The following ADAM10 variants were observed in gnomAD, a reference collection of about 807,000 sequenced individuals.
ADAM10 encodes the protein disintegrin and metalloproteinase domain-containing protein 10.
In ADAM10, 17 loss-of-function variants were observed where a neutral mutation model predicts 90.1. The ratio of observed to expected loss-of-function variants is 0.19; its 90% CI spans 0.13 to 0.28. The LOEUF (loss-of-function observed/expected upper bound fraction) is 0.28, where lower values mean the gene tolerates loss of function less well. ADAM10 is among the 10% of genes least tolerant of loss of function. The pLI is 1.00. For synonymous variants in ADAM10, 310 were observed against 298.6 expected (o/e 1.04, Z -0.40); for missense variants, 610 against 914.3 (o/e 0.67, Z 4.29).
At chr15:58,598,190 T>A (rs1006121778) in intron 15 of ADAM10, among the ~76,000 whole-genome samples, 2 of 152,220 alleles carry the variant, frequency 1.3e-5, no homozygotes, top group African/African-American at 4.8e-5. Context: ...TATAAAAATG[T>A]TTAACACTTT....
chr15:58,631,383 T>C (rs1349119788), intron 9 of ADAM10, among the ~76,000 whole-genome samples: 3 of 152,128 alleles, frequency 2.0e-5, no homozygotes, highest in African/African-American at 7.2e-5. Context: ...AATTTCTCCA[T>C]TAAACAATAA....
At position 58,731,975 on chromosome 15, in the gene ADAM10, A is replaced by G. The variant is rs115610557; in HGVS notation, c.56-14248T>C. Among the ~76,000 whole-genome samples, 986 of 152,332 alleles carry G rather than the reference A, an allele frequency of 6.5e-3. 17 individuals carry two copies. Among genetic ancestry groups the G allele is most frequent in the African/African-American group, 0.023 (940 of 41,588 alleles). The stretch of plus-strand genomic sequence containing the variant: ...CCAGATTCAGAGGCAGCAGACAGAA[A>G]TCTTCTAGAAGGAAAAGAGCCTGGT... On this transcript the variant is annotated intron_variant, in intron 1 of 15. Transcript: ENST00000260408.
At chr15:58,597,665 A>T in intron 15 of ADAM10, 24 bp from the exon 16 acceptor site, 2 of 1,613,248 alleles carry the variant, frequency 1.2e-6, no homozygotes, top group Middle Eastern at 1.7e-4. Context: ...ATAAAAGCAA[A>T]GCAGATTTAT....
intron 5 of ADAM10, chr15:58,655,348 T>C (rs1654928018): frequency 6.5e-6 from 1 of 154,148 alleles, no homozygotes; most frequent in Non-Finnish European, 1.5e-5. Flanking sequence ...AGGAAGCTTA[T>C]AAGCATGGGC....
intron 10 of ADAM10, among the ~76,000 whole-genome samples, 175 bp from the exon 11 acceptor site, chr15:58,621,796 C>G (rs1895795801): frequency 6.6e-6 from 1 of 152,190 alleles, no homozygotes; most frequent in Non-Finnish European, 1.5e-5. Flanking sequence ...GGGTCTGCTA[C>G]TAACTAGCAA....
intron 2 of ADAM10, among the ~76,000 whole-genome samples, chr15:58,694,405 C>T (rs1299936760): frequency 6.6e-6 from 1 of 152,058 alleles, no homozygotes; most frequent in African/African-American, 2.4e-5. Context: ...GAGCCGAGAT[C>T]ACGACACTGC....
chr15:58,720,399 AT>A (rs1184717084), intron 1 of ADAM10, among the ~76,000 whole-genome samples: 2 of 25,984 alleles, frequency 7.7e-5, no homozygotes, highest in Non-Finnish European at 1.7e-4. Context: ...ATTTTATTTT[AT>A]TTTATTTTTT....
intron 2 of ADAM10, among the ~76,000 whole-genome samples, chr15:58,713,473 T>G (rs1567008305): frequency 6.6e-6 from 1 of 152,196 alleles, no homozygotes. Flanking sequence ...ATTCACACTC[T>G]GCACTTCAAG....
At chr15:58,746,528 A>G (rs1425868270) in intron 1 of ADAM10, among the ~76,000 whole-genome samples, 1 of 152,170 alleles carries the variant, frequency 6.6e-6, no homozygotes, top group Non-Finnish European at 1.5e-5. Context: ...TTTACATTTT[A>G]TGATTCTAAA....
At chr15:58,648,437 G>C (rs1332777995) in intron 5 of ADAM10, among the ~76,000 whole-genome samples, 1 of 152,056 alleles carries the variant, frequency 6.6e-6, no homozygotes, top group Non-Finnish European at 1.5e-5. Flanking sequence ...ACACAAAAAG[G>C]AATTTATCTT....
intron 1 of ADAM10, among the ~76,000 whole-genome samples, chr15:58,728,028 G>C (rs1321080648): frequency 1.3e-5 from 2 of 152,134 alleles, no homozygotes; most frequent in African/African-American, 4.8e-5. Flanking sequence ...AACTTGACTA[G>C]ATAGATAGAA....
At chr15:58,627,257 G>C (rs998717932) in intron 10 of ADAM10, among the ~76,000 whole-genome samples, 53 of 152,150 alleles carry the variant, frequency 3.5e-4, no homozygotes, top group African/African-American at 5.3e-4. Context: ...TTGCCTCTGA[G>C]GGTGTGTTGG....
chr15:58,731,269 C>A (rs1275519800), intron 1 of ADAM10, among the ~76,000 whole-genome samples: 2 of 152,126 alleles, frequency 1.3e-5, no homozygotes, highest in Non-Finnish European at 2.9e-5. Flanking sequence ...TGAATCCACA[C>A]AAATGAAGTG....
At chr15:58,739,965 C>A (rs1371654500) in intron 1 of ADAM10, among the ~76,000 whole-genome samples, 1 of 152,192 alleles carries the variant, frequency 6.6e-6, no homozygotes, top group African/African-American at 2.4e-5. Context: ...ATTCTGTAGT[C>A]TTAATAACAC....
Position 58,686,683 on chromosome 15 carries a change from A to G in ADAM10, c.207-4369T>C, listed in dbSNP as rs183055517. On this transcript the variant is annotated intron_variant, in intron 2 of 15. Transcript: ENST00000260408. ...ACAAAGTGATGAATGACTGCCTTCA[A>G]GTCTCAAGAAAACACTTTTCCCTAA... 2.0e-5 allele frequency: 14 copies of G among 689,668 alleles called. No homozygotes were observed. In the East Asian group the frequency reaches 3.8e-4, roughly 19 times the overall value. 42.7% of individuals were successfully genotyped at this position (689,668 alleles called of 1,614,324 possible). A position where few individuals can be genotyped will look rare whatever the true frequency, so the allele number is the denominator to read the frequency against.
At chr15:58,678,483 A>C (rs1243561423) in intron 4 of ADAM10, among the ~76,000 whole-genome samples, 1 of 152,142 alleles carries the variant, frequency 6.6e-6, no homozygotes, top group Non-Finnish European at 1.5e-5. Context: ...AAATTAGAGA[A>C]ATTTATTTCT....
chr15:58,690,961 T>G (rs1252503047), intron 2 of ADAM10: 1 of 459,874 alleles, frequency 2.2e-6, no homozygotes, highest in East Asian at 4.9e-5. Context: ...TCGTTGTTCT[T>G]GTCTGCCTCA....
Position 58,744,812 on chromosome 15 carries a change from C to T in ADAM10, c.55+4668G>A, listed in dbSNP as rs548557707. On this transcript the variant is annotated intron_variant, in intron 1 of 15. Coordinates refer to ENST00000260408, the MANE Select transcript of ADAM10 (RefSeq NM_001110.4). ...ATTGCTTAAAGCCAAGAGTTCAAGA[C>T]CAGCTTGGGCAACCTAGTGAGACCT... Among the ~76,000 whole-genome samples, 29 of 152,272 alleles carry T rather than the reference C, an allele frequency of 1.9e-4. No homozygotes were observed. In the South Asian group the frequency reaches 5.6e-3, roughly 29 times the overall value.
chr15:58,667,470 G>A (rs1443054579), intron 4 of ADAM10, among the ~76,000 whole-genome samples: 1 of 152,054 alleles, frequency 6.6e-6, no homozygotes, highest in African/African-American at 2.4e-5. Flanking sequence ...AAACTTAACT[G>A]CAAACATCCA....
Sources: allele counts gnomAD v4.1 joint callset (sites outside exome capture counted in the v4.1 genomes callset), GRCh38; gene constraint gnomAD v4.1.1; transcripts MANE v1.5; gene names NCBI Gene and HGNC (gene_info 2026-07-23, HGNC 2026-07-21).